The following DOCK4 variants were observed in gnomAD, a reference collection of about 807,000 sequenced individuals.
DOCK4 encodes dedicator of cytokinesis protein 4.
In DOCK4, 97 loss-of-function variants were observed where a neutral mutation model predicts 268.1. The ratio of observed to expected loss-of-function variants is 0.36; its 90% CI spans 0.31 to 0.43. The LOEUF (loss-of-function observed/expected upper bound fraction) is 0.43, where lower values mean the gene tolerates loss of function less well. Ranked by LOEUF, DOCK4 falls within the 20% of genes least tolerant of loss-of-function variation. DOCK4 has a pLI of 1.00. For synonymous variants in DOCK4, 954 were observed against 887.2 expected (o/e 1.08, Z -1.34); for missense variants, 2,145 against 2,455.7 (o/e 0.87, Z 2.67).
intron 1 of DOCK4, among the ~76,000 whole-genome samples, chr7:112,008,855 G>C (rs1455335438): frequency 6.6e-6 from 1 of 152,158 alleles, no homozygotes; most frequent in African/African-American, 2.4e-5. Context: ...GTAGCTGGGC[G>C]TGGTGGCGGG....
chr7:112,071,936 T>C (rs1338420845), intron 1 of DOCK4, among the ~76,000 whole-genome samples: 1 of 152,220 alleles, frequency 6.6e-6, no homozygotes, highest in African/African-American at 2.4e-5. Context: ...TCCTCCTCTA[T>C]ATGTTTACAA....
intron 8 of DOCK4, among the ~76,000 whole-genome samples, chr7:111,961,405 CT>C (rs1033120584): frequency 9.8e-5 from 15 of 152,308 alleles, no homozygotes; most frequent in African/African-American, 2.9e-4. Context: ...GCACACAACA[CT>C]TCACTTACTC....
chr7:111,950,004 G>A (rs1795927335), intron 8 of DOCK4, among the ~76,000 whole-genome samples: 1 of 152,164 alleles, frequency 6.6e-6, no homozygotes, highest in East Asian at 1.9e-4. Flanking sequence ...TCAGCTCACT[G>A]CAACCTCCGC....
At chr7:111,862,938 T>C (rs968803217) in intron 23 of DOCK4, 4 of 177,358 alleles carry the variant, frequency 2.3e-5, no homozygotes, top group African/African-American at 9.6e-5. Context: ...CAAGAGGCAA[T>C]GGAACTTACT....
At chr7:111,863,131 A>G (rs6945534) in intron 23 of DOCK4, 194,023 of 487,814 alleles carry the variant, frequency 0.4, 39,495 homozygotes, top group African/African-American at 0.53. Context: ...AAGGAGTGTT[A>G]AATCCCATTA....
At chr7:111,924,771 T>C (rs542409507) in intron 12 of DOCK4, among the ~76,000 whole-genome samples, 2 of 152,276 alleles carry the variant, frequency 1.3e-5, no homozygotes, top group East Asian at 3.9e-4. Context: ...TAAATAAATA[T>C]GAAAAATAAT....
At position 112,099,893 on chromosome 7, in the gene DOCK4, A is replaced by C. The variant is rs1291984267; in HGVS notation, c.38-95762T>G. ...ATAATAAATTAAAAGCCAATAAAAA[A>C]TAATGAACAGGTTGTGTTTTTTGTA... On this transcript the variant is annotated intron_variant, in intron 1 of 52. Coordinates refer to ENST00000428084, the MANE Select transcript of DOCK4 (RefSeq NM_001363540.2). Among the ~76,000 whole-genome samples, 6 of 152,366 alleles carry C rather than the reference A, an allele frequency of 3.9e-5. No individual in the cohort carries two copies. The East Asian group carries it at 9.6e-4, about 24-fold the overall frequency.
intron 1 of DOCK4, among the ~76,000 whole-genome samples, chr7:112,018,657 A>G (rs1160749077): frequency 6.6e-6 from 1 of 152,132 alleles, no homozygotes; most frequent in Non-Finnish European, 1.5e-5. Context: ...CATTATTTAA[A>G]AGAAACTTGA....
intron 13 of DOCK4, among the ~76,000 whole-genome samples, chr7:111,915,182 C>T (rs1355484698): frequency 6.6e-6 from 1 of 152,202 alleles, no homozygotes; most frequent in Non-Finnish European, 1.5e-5. Flanking sequence ...AATGCATCAG[C>T]TTCAATGAAT....
intron 2 of DOCK4, among the ~76,000 whole-genome samples, chr7:112,001,062 G>T (rs892569461): frequency 2.0e-5 from 3 of 152,152 alleles, no homozygotes; most frequent in Non-Finnish European, 4.4e-5. Context: ...TACGGTCTTG[G>T]GTTAAGATCA....
rs1295873189 is a variant in DOCK4 at position 112,032,171 on chromosome 7, T to C, written c.38-28040A>G. On this transcript the variant is annotated intron_variant, in intron 1 of 52. Transcript: ENST00000428084. ...GATGGGTGACAATGTGTACATCATC[T>C]TGGAGGAAAAGTATTTTGTTATTCT... is the stretch of plus-strand genomic sequence containing the variant. Among the ~76,000 whole-genome samples the C allele has an allele frequency of 6.6e-5, 10 of 152,184 alleles. 1 individual carries two copies. Among genetic ancestry groups the C allele is most frequent in the Admixed American group, 6.5e-4 (10 of 15,274 alleles).
At chr7:112,126,139 T>C (rs1436663720) in intron 1 of DOCK4, among the ~76,000 whole-genome samples, 1 of 152,242 alleles carries the variant, frequency 6.6e-6, no homozygotes, top group East Asian at 1.9e-4. Context: ...CAATGGAATT[T>C]TCTCTCTTCT....
intron 52 of DOCK4, among the ~76,000 whole-genome samples, chr7:111,731,864 GT>G (rs1795110499): frequency 6.6e-6 from 1 of 152,038 alleles, no homozygotes; most frequent in Admixed American, 6.5e-5. Flanking sequence ...ATCTAAGTGT[GT>G]GTGTGTGTGT....
chr7:112,083,399 A>C (rs1376448333), intron 1 of DOCK4, among the ~76,000 whole-genome samples: 1 of 152,070 alleles, frequency 6.6e-6, no homozygotes, highest in Non-Finnish European at 1.5e-5. Flanking sequence ...TAAAATATAG[A>C]ATTAATAGTA....
chr7:111,740,327 A>C, intron 47 of DOCK4: 1 of 215,042 alleles, frequency 4.7e-6, no homozygotes, highest in South Asian at 4.8e-5. Flanking sequence ...CTCGAACTCC[A>C]GATCTCAAGG....
At chr7:111,855,784 G>C (rs1355882589) in intron 23 of DOCK4, among the ~76,000 whole-genome samples, 1 of 152,148 alleles carries the variant, frequency 6.6e-6, no homozygotes, top group African/African-American at 2.4e-5. Flanking sequence ...GTGCTTTACT[G>C]TAAACAGACA....
At chr7:112,161,132 C>T (rs1011637584) in intron 1 of DOCK4, among the ~76,000 whole-genome samples, 2 of 152,018 alleles carry the variant, frequency 1.3e-5, no homozygotes, top group African/African-American at 4.8e-5. Context: ...ACCTGGCGAC[C>T]GCTAGTCAGT....
chr7:111,846,314 G>A (rs1305169542), intron 24 of DOCK4, among the ~76,000 whole-genome samples: 1 of 152,232 alleles, frequency 6.6e-6, no homozygotes, highest in Non-Finnish European at 1.5e-5. Context: ...ATTGGCAGAA[G>A]TGGAACAGGA....
At chr7:111,900,946 T>C (rs750041054) in intron 14 of DOCK4, among the ~76,000 whole-genome samples, 20 of 152,204 alleles carry the variant, frequency 1.3e-4, no homozygotes, top group Non-Finnish European at 2.6e-4. Context: ...TCATGAAAAA[T>C]ACTTCTTCCA....
Sources: gnomAD v4.1 joint callset for allele counts (sites outside exome capture counted in the v4.1 genomes callset) on GRCh38, gnomAD v4.1.1 for gene constraint, MANE v1.5 for transcripts, NCBI Gene and HGNC (gene_info 2026-07-23, HGNC 2026-07-21) for gene names.